Variants in SLC2A2 observed in about 807,000 individuals in gnomAD.
SLC2A2 encodes the protein solute carrier family 2, facilitated glucose transporter member 2.
In SLC2A2, 36 loss-of-function variants were observed where a neutral mutation model predicts 54.5. The ratio of observed to expected loss-of-function variants is 0.66; its 90% CI spans 0.51 to 0.87. The LOEUF is 0.87. Ranked by LOEUF, SLC2A2 falls within the 40% of genes least tolerant of loss-of-function variation. SLC2A2 has a pLI of 0.00. For synonymous variants in SLC2A2, 223 were observed against 219.1 expected (o/e 1.02, Z -0.16); for missense variants, 543 against 624.3 (o/e 0.87, Z 1.39).
At chr3:171,015,553 TATAC>T (rs1183059853) in intron 2 of SLC2A2, among the ~76,000 whole-genome samples, 1 of 152,182 alleles carries the variant, frequency 6.6e-6, no homozygotes, top group Non-Finnish European at 1.5e-5. Flanking sequence ...TAAATTGACT[TATAC>T]ATATTTTAAC....
intron 7 of SLC2A2, among the ~76,000 whole-genome samples, chr3:171,003,067 T>C (rs1054095340): frequency 3.3e-5 from 5 of 151,962 alleles, no homozygotes; most frequent in Non-Finnish European, 7.4e-5. Context: ...TTTCCACCCC[T>C]CCAGAAACTT....
rs1285269496 is a variant in SLC2A2 at position 170,997,682 on chromosome 3, C to T, written c.*221G>A. ...CTGCCCTTTAGTGTAACAAAATAAACTAGCCTTTTTGGTTTACTTAATTAC... is the reference window on the plus strand; with the variant it reads ...CTGCCCTTTAGTGTAACAAAATAAATTAGCCTTTTTGGTTTACTTAATTAC... On this transcript the variant is annotated 3_prime_UTR_variant, in exon 11 of 11. Coordinates refer to ENST00000314251, the MANE Select transcript of SLC2A2 (RefSeq NM_000340.2). The T allele has an allele frequency of 1.8e-6, 1 of 546,674 alleles. No individual in the cohort carries two copies. The highest frequency in any genetic ancestry group is 1.9e-5 in the African/African-American group (1 of 52,550). 33.9% of individuals were successfully genotyped at this position (546,674 alleles called of 1,614,324 possible). A position where few individuals can be genotyped will look rare whatever the true frequency, so the allele number is the denominator to read the frequency against.
chr3:171,019,955 A>G (rs1716375414), intron 1 of SLC2A2, among the ~76,000 whole-genome samples: 1 of 152,222 alleles, frequency 6.6e-6, no homozygotes, highest in Admixed American at 6.5e-5. Flanking sequence ...ATGATTAGAC[A>G]TTTCATAAGG....
At chr3:171,023,751 G>A (rs1716566522) in intron 1 of SLC2A2, among the ~76,000 whole-genome samples, 1 of 152,176 alleles carries the variant, frequency 6.6e-6, no homozygotes, top group Non-Finnish European at 1.5e-5. Context: ...AGCTCACATG[G>A]AAAGAGTAAA....
chr3:171,002,465 G>C (rs1576826508), intron 8 of SLC2A2, 111 bp downstream of exon 8: 1 of 735,970 alleles, frequency 1.4e-6, no homozygotes, highest in South Asian at 1.5e-5. Context: ...TACACACTTA[G>C]AGCATGTGTA....
chr3:171,002,707 A>C (rs1470891101), intron 7 of SLC2A2, 27 bp from the exon 8 acceptor site: 3 of 1,311,376 alleles, frequency 2.3e-6, no homozygotes, highest in Non-Finnish European at 3.3e-6. Flanking sequence ...GGTTAGCCTT[A>C]ATCTTAAGAA....
chr3:171,009,187 T>C (rs1234049639), intron 4 of SLC2A2, among the ~76,000 whole-genome samples: 1 of 152,086 alleles, frequency 6.6e-6, no homozygotes, highest in Admixed American at 6.6e-5. Context: ...ATTGAATGAT[T>C]CTCCCTTTCT....
chr3:170,999,273 GA>G, intron 8 of SLC2A2, 107 bp from the exon 9 acceptor site: 1 of 770,306 alleles, frequency 1.3e-6, no homozygotes, highest in Middle Eastern at 2.3e-4. Flanking sequence ...TTATATAACA[GA>G]TAAGAGGCAA....
chr3:171,019,730 CTT>C (rs1261848420), intron 1 of SLC2A2, among the ~76,000 whole-genome samples: 5 of 152,130 alleles, frequency 3.3e-5, no homozygotes, highest in African/African-American at 1.2e-4. Flanking sequence ...TGTGTACTGA[CTT>C]ATTTTTAAGT....
chr3:171,022,337 G>A lies in SLC2A2; in HGVS notation c.16-3714C>T, dbSNP rs889917212. Among the ~76,000 whole-genome samples, 5 of 152,322 alleles carry A rather than the reference G, an allele frequency of 3.3e-5. No homozygotes were observed. In the East Asian group the frequency reaches 9.6e-4, roughly 29 times the overall value. ...TCTTTATAAATTAAAAAAGCTAAGA[G>A]CATACATATCCACAGAATTTACCAC... On this transcript the variant is annotated intron_variant, in intron 1 of 10. Transcript: ENST00000314251.
In SLC2A2 at chr3:171,005,361, G is replaced by C. The variant is rs1364855365; in HGVS notation, c.887C>G (p.Thr296Ser). ...EQKVSIIQLF[T>S]NSSYRQPILV... ...AATAGGCTGTCGGTAGCTGGAATTG[G>C]TGAAGAGCTGAATTATAGAGACTTT... Residue 296 changes from threonine (T) to serine (S), a missense_variant, in exon 7 of 11, where the codon ACC becomes AGC. Physicochemically the swap from Thr to Ser is moderately conservative, Grantham distance 58. Coordinates refer to ENST00000314251, the MANE Select transcript of SLC2A2 (RefSeq NM_000340.2). 1 of 1,612,840 alleles carries C rather than the reference G, an allele frequency of 6.2e-7. No individual in the cohort carries two copies. Among genetic ancestry groups the C allele is most frequent in the Non-Finnish European group, 8.5e-7 (1 of 1,179,288 alleles).
chr3:171,019,111 A>G (rs1451153846), intron 1 of SLC2A2, among the ~76,000 whole-genome samples: 121 of 5,498 alleles, frequency 0.022, 1 homozygote, highest in African/African-American at 0.14. Context: ...ATATATATAT[A>G]TATATATATA....
chr3:171,018,185 A>G (rs926058640), intron 2 of SLC2A2, among the ~76,000 whole-genome samples: 5 of 152,110 alleles, frequency 3.3e-5, no homozygotes, highest in African/African-American at 9.7e-5. Context: ...TCATTCATGT[A>G]TGGCTGAGAT....
intron 1 of SLC2A2, among the ~76,000 whole-genome samples, chr3:171,023,163 C>T (rs1716539227): frequency 6.6e-6 from 1 of 152,148 alleles, no homozygotes; most frequent in Non-Finnish European, 1.5e-5. Flanking sequence ...CACCCCAGGG[C>T]CTGCAGTTCC....
intron 1 of SLC2A2, among the ~76,000 whole-genome samples, chr3:171,020,578 A>G (rs1393821611): frequency 6.6e-6 from 1 of 152,148 alleles, no homozygotes; most frequent in Non-Finnish European, 1.5e-5. Flanking sequence ...AATATTGCAT[A>G]ATATGTTTAT....
rs559340833 is a variant in SLC2A2, at chr3:171,023,466, T to G, written c.15+3190A>C. 1.3e-4 allele frequency among the ~76,000 whole-genome samples: 20 copies of G among 152,364 alleles called. No individual in the cohort carries two copies. In the East Asian group the frequency reaches 2.9e-3, roughly 22 times the overall value. ...AAGAAGTAATGTTTATAGTCAGCCT[T>G]GTATGTGGCTTGGCTCTAGACTTGG... On this transcript the variant is annotated intron_variant, in intron 1 of 10. Coordinates refer to ENST00000314251, the MANE Select transcript of SLC2A2 (RefSeq NM_000340.2).
intron 5 of SLC2A2, 31 bp from the exon 6 acceptor site, chr3:171,006,136 A>C: frequency 6.3e-7 from 1 of 1,591,858 alleles, no homozygotes; most frequent in Non-Finnish European, 8.6e-7. Context: ...TATATCAACT[A>C]CATAATACTT....
At chr3:171,006,394 A>C (rs973215620) in intron 5 of SLC2A2, among the ~76,000 whole-genome samples, 8 of 152,068 alleles carry the variant, frequency 5.3e-5, no homozygotes, top group African/African-American at 1.9e-4. Context: ...AGTCAGGATG[A>C]GAATCAACCA....
chr3:171,019,226 A>G (rs1716340259), intron 1 of SLC2A2, among the ~76,000 whole-genome samples: 1 of 150,886 alleles, frequency 6.6e-6, no homozygotes, highest in South Asian at 2.1e-4. Flanking sequence ...CCGCCAAGAT[A>G]GAGCCATTAT....
Sources: gnomAD v4.1 joint callset for allele counts (sites outside exome capture counted in the v4.1 genomes callset) on GRCh38, gnomAD v4.1.1 for gene constraint, MANE v1.5 for transcripts, NCBI Gene and HGNC (gene_info 2026-07-23, HGNC 2026-07-21) for gene names.